The following TEC variants were observed in gnomAD, a reference collection of about 807,000 sequenced individuals.
TEC encodes tec protein tyrosine kinase.
In TEC, 72 loss-of-function variants were observed where a neutral mutation model predicts 93.0. The ratio of observed to expected loss-of-function variants is 0.77; its 90% CI spans 0.64 to 0.94. TEC has a LOEUF of 0.94. Among genes scored for constraint, TEC ranks in the 40% least tolerant of loss-of-function variants. The pLI is 0.00. For missense variants in TEC, 630 were observed against 757.9 expected (o/e 0.83, Z 1.98); for synonymous variants, 249 against 247.7 (o/e 1.01, Z -0.05).
chr4:48,191,267 GT>G (rs1722085099), intron 2 of TEC, among the ~76,000 whole-genome samples: 3 of 152,032 alleles, frequency 2.0e-5, no homozygotes, highest in Admixed American at 1.3e-4. Context: ...TATTTGGTTT[GT>G]TTTTGCCTTT....
intron 1 of TEC, among the ~76,000 whole-genome samples, chr4:48,247,229 A>G (rs1390646289): frequency 6.6e-6 from 1 of 152,254 alleles, no homozygotes; most frequent in Non-Finnish European, 1.5e-5. Context: ...TCCAAAAAAT[A>G]GAAACTGAAC....
intron 8 of TEC, among the ~76,000 whole-genome samples, chr4:48,161,126 C>T (rs969020698): frequency 2.0e-5 from 3 of 151,982 alleles, no homozygotes; most frequent in Admixed American, 6.6e-5. Context: ...CATCTTTTAA[C>T]CCGGAAAGGT....
intron 8 of TEC, among the ~76,000 whole-genome samples, chr4:48,159,136 A>G (rs897399439): frequency 7.2e-5 from 11 of 152,204 alleles, no homozygotes; most frequent in African/African-American, 2.6e-4. Context: ...GTCAGGAATA[A>G]CTATACACAC....
At chr4:48,269,686 C>T (rs1848742) in intron 1 of TEC, 66 bp downstream of exon 1, 30,240 of 152,288 alleles carry the variant, frequency 0.2, 3,521 homozygotes, top group East Asian at 0.42. Context: ...CATCCCCCTC[C>T]CCACCCGTCC....
At chr4:48,203,430 G>A (rs1441675698) in intron 2 of TEC, among the ~76,000 whole-genome samples, 3 of 152,130 alleles carry the variant, frequency 2.0e-5, no homozygotes, top group African/African-American at 7.2e-5. Context: ...CTCATTCTCA[G>A]AACTGTTCCT....
intron 2 of TEC, among the ~76,000 whole-genome samples, chr4:48,224,495 G>A (rs1723375804): frequency 6.6e-6 from 1 of 152,082 alleles, no homozygotes; most frequent in Non-Finnish European, 1.5e-5. Flanking sequence ...GTGTCATTTA[G>A]CCCCGTGACT....
intron 2 of TEC, among the ~76,000 whole-genome samples, chr4:48,214,705 A>G (rs1177034364): frequency 6.7e-6 from 1 of 148,534 alleles, no homozygotes; most frequent in Non-Finnish European, 1.5e-5. Flanking sequence ...TACAAAAAAA[A>G]TAGCCAGGCG....
chr4:48,186,055 C>T (rs556478601), intron 2 of TEC, among the ~76,000 whole-genome samples: 96 of 152,312 alleles, frequency 6.3e-4, no homozygotes, highest in Non-Finnish European at 1.1e-3. Context: ...GACAGGGTTT[C>T]GCCATGTTGG....
chr4:48,254,133 G>A (rs1242310029), intron 1 of TEC, among the ~76,000 whole-genome samples: 3 of 152,076 alleles, frequency 2.0e-5, no homozygotes, highest in African/African-American at 7.2e-5. Context: ...TTAACCCCAA[G>A]ACAACTGCAC....
chr4:48,162,165 C>CT (rs1237032522), intron 8 of TEC, among the ~76,000 whole-genome samples: 6 of 152,210 alleles, frequency 3.9e-5, no homozygotes, highest in African/African-American at 1.4e-4. Context: ...AATAGGGTCT[C>CT]TGCCTGCCCA....
At chr4:48,238,517 ACTATATCCC>A (rs1282021100) in intron 1 of TEC, among the ~76,000 whole-genome samples, 1 of 152,116 alleles carries the variant, frequency 6.6e-6, no homozygotes, top group Admixed American at 6.5e-5. Context: ...CTCTCCTGAT[ACTATATCCC>A]CTACCCCAGT....
chr4:48,249,094 T>C (rs1724133165), intron 1 of TEC, among the ~76,000 whole-genome samples: 1 of 152,176 alleles, frequency 6.6e-6, no homozygotes, highest in Non-Finnish European at 1.5e-5. Flanking sequence ...ATTTTCCCTG[T>C]CACTAAACTC....
intron 2 of TEC, among the ~76,000 whole-genome samples, chr4:48,226,878 T>C (rs1228835510): frequency 6.6e-6 from 1 of 152,226 alleles, no homozygotes; most frequent in Non-Finnish European, 1.5e-5. Flanking sequence ...GGTTTCAAAA[T>C]AATTCACATT....
intron 2 of TEC, among the ~76,000 whole-genome samples, chr4:48,181,125 A>G (rs1355336570): frequency 1.3e-5 from 2 of 152,218 alleles, no homozygotes; most frequent in Non-Finnish European, 2.9e-5. Flanking sequence ...AAGGACAATC[A>G]GGTGCGAGGA....
At chr4:48,156,855 C>T in intron 8 of TEC, 121 bp from the exon 9 acceptor site, 1 of 738,472 alleles carries the variant, frequency 1.4e-6, no homozygotes, top group Non-Finnish European at 2.1e-6. Context: ...AACAAGATAT[C>T]ACTCATAATT....
intron 11 of TEC, among the ~76,000 whole-genome samples, 185 bp from the exon 12 acceptor site, chr4:48,146,584 G>A (rs1162622469): frequency 2.0e-5 from 3 of 152,086 alleles, no homozygotes; most frequent in Admixed American, 6.5e-5. Flanking sequence ...AAATACTACA[G>A]TGTTTAACAG....
At chr4:48,199,560 A>T (rs985479906) in intron 2 of TEC, among the ~76,000 whole-genome samples, 1 of 136,400 alleles carries the variant, frequency 7.3e-6, no homozygotes, top group Non-Finnish European at 1.5e-5. Flanking sequence ...TCCGCCTCCC[A>T]GATTCAAGCA....
Position 48,228,495 on chromosome 4 carries a change from G to A in TEC, c.120C>T (p.Tyr40=), listed in dbSNP as rs758329729. The part of the protein sequence containing the change: ...LFVLTKSMLT[Y]YEGRAEKKYR... ...CTCTTACCTCTGCTCGACCCTCATA[G>A]TAGGTTAGCATGGACTTTGTAAGTA... Residue 40 remains tyrosine (Y), a synonymous_variant, in exon 2 of 18, where the codon TAC becomes TAT. Coordinates refer to ENST00000381501, the MANE Select transcript of TEC (RefSeq NM_003215.3). 7.5e-6 allele frequency: 12 copies of A among 1,608,958 alleles called. No homozygotes were observed. The South Asian group carries it at 1.1e-4, about 15-fold the overall frequency.
intron 10 of TEC, among the ~76,000 whole-genome samples, chr4:48,150,142 C>T (rs1020625774): frequency 2.0e-5 from 3 of 152,184 alleles, no homozygotes; most frequent in Non-Finnish European, 2.9e-5. Context: ...CAAGATGACT[C>T]CTGTTGCTCT....
Sources: gnomAD v4.1 joint callset for allele counts (sites outside exome capture counted in the v4.1 genomes callset) on GRCh38, gnomAD v4.1.1 for gene constraint, MANE v1.5 for transcripts, NCBI Gene and HGNC (gene_info 2026-07-23, HGNC 2026-07-21) for gene names.